Variants in EIF2AK4 observed in about 807,000 individuals in gnomAD.
The protein encoded by EIF2AK4 is eIF-2-alpha kinase GCN2.
EIF2AK4 carries 139 observed loss-of-function variants against 211.1 expected under a neutral mutation model. The observed-to-expected ratio is 0.66, with a 90% CI of 0.57 to 0.76. The LOEUF (loss-of-function observed/expected upper bound fraction) is 0.76. Among genes scored for constraint, EIF2AK4 ranks in the 30% least tolerant of loss-of-function variants. EIF2AK4 has a pLI of 0.00. For synonymous variants in EIF2AK4, 710 were observed against 751.3 expected (o/e 0.94, Z 0.90); for missense variants, 1,664 against 2,043.8 (o/e 0.81, Z 3.58).
chr15:39,996,293 G>T (rs2035017451), intron 18 of EIF2AK4, among the ~76,000 whole-genome samples: 1 of 152,204 alleles, frequency 6.6e-6, no homozygotes, highest in Non-Finnish European at 1.5e-5. Context: ...TAGCTAAGAT[G>T]TGAAACAAAG....
chr15:39,962,955 A>G (rs514152), intron 7 of EIF2AK4, among the ~76,000 whole-genome samples: 139,037 of 152,264 alleles, frequency 0.91, 63,902 homozygotes, highest in Middle Eastern at 0.97. Flanking sequence ...TTTTGCCAGA[A>G]GTAACAGGTA....
Position 40,009,629 on chromosome 15 carries a change from A to G in EIF2AK4, c.3592A>G (p.Ile1198Val), listed in dbSNP as rs181345205. ...CATATCCCAGGAAAGAAATTACAGT[A>G]TTTATTTGAACCATACCATGTTATT... ...FPALQERNYS[I>V]YLNHTMLLKA... The change falls in exon 26 of 39, where the codon ATT (isoleucine) becomes GTT (valine). Residue 1198 changes from isoleucine to valine, a missense_variant. Ile to Val is a conservative substitution (Grantham distance 29, BLOSUM62 3). Around this residue, in one of 7 missense-constraint regions of EIF2AK4, gnomAD observed 622 missense variants for 796.8 expected, o/e 0.78. Coordinates refer to ENST00000263791, the MANE Select transcript of EIF2AK4 (RefSeq NM_001013703.4). 3.1e-6 allele frequency: 5 copies of G among 1,591,230 alleles called. No homozygotes were observed. The highest frequency in any genetic ancestry group is 4.3e-6 in the Non-Finnish European group (5 of 1,170,998).
At chr15:39,934,762 C>T (rs1044965159) in intron 1 of EIF2AK4, among the ~76,000 whole-genome samples, 2 of 152,238 alleles carry the variant, frequency 1.3e-5, no homozygotes, top group African/African-American at 2.4e-5. Context: ...GCCTTACGTC[C>T]TCAATCAGAA....
intron 16 of EIF2AK4, 152 bp from the exon 17 acceptor site, chr15:39,992,023 C>A (rs1287173224): frequency 4.3e-6 from 3 of 694,628 alleles, no homozygotes; most frequent in Non-Finnish European, 6.7e-6. Flanking sequence ...AGTGGGTTAA[C>A]TAAACTAGAA....
At chr15:40,027,030 T>C (rs534076984) in intron 33 of EIF2AK4, among the ~76,000 whole-genome samples, 1 of 152,326 alleles carries the variant, frequency 6.6e-6, no homozygotes, top group South Asian at 2.1e-4. Context: ...GTTATATCTA[T>C]AAATATTAAA....
At chr15:39,965,631 C>T in intron 7 of EIF2AK4, 55 bp from the exon 8 acceptor site, 1 of 1,596,306 alleles carries the variant, frequency 6.3e-7, no homozygotes. Flanking sequence ...CCCTTCCTTC[C>T]CCCAAGAGAA....
intron 2 of EIF2AK4, 54 bp downstream of exon 2, chr15:39,939,671 C>A: frequency 1.4e-6 from 2 of 1,392,716 alleles, no homozygotes; most frequent in Non-Finnish European, 2.0e-6. Context: ...GTTTTGACAA[C>A]ATAGAAACAG....
chr15:39,984,930 G>A (rs1458952954), intron 13 of EIF2AK4, among the ~76,000 whole-genome samples: 3 of 152,250 alleles, frequency 2.0e-5, no homozygotes, highest in East Asian at 1.9e-4. Flanking sequence ...GTCTTGTGCC[G>A]ATTTTCAAAG....
rs150766908 is a variant in EIF2AK4 at position 39,954,534 on chromosome 15, G to A, written c.594+550G>A. On this transcript the variant is annotated intron_variant, in intron 5 of 38. Coordinates refer to ENST00000263791, the MANE Select transcript of EIF2AK4 (RefSeq NM_001013703.4). ...CTCCCAAAGTGTTGGGATTACAGGC[G>A]TGAGCCACTGCACCTGGCCTAGAAT... Among the ~76,000 whole-genome samples, 1,003 of 152,306 alleles carry A rather than the reference G, an allele frequency of 6.6e-3. 14 individuals are homozygous for A. The highest frequency in any genetic ancestry group is 0.022 in the African/African-American group (909 of 41,564).
At chr15:39,980,191 C>T (rs1216605892) in intron 13 of EIF2AK4, among the ~76,000 whole-genome samples, 1 of 152,160 alleles carries the variant, frequency 6.6e-6, no homozygotes, top group Non-Finnish European at 1.5e-5. Flanking sequence ...TTAAGGGTTG[C>T]AGCTACCTCA....
intron 10 of EIF2AK4, 98 bp from the exon 11 acceptor site, chr15:39,973,494 T>C: frequency 7.7e-7 from 1 of 1,294,480 alleles, no homozygotes; most frequent in East Asian, 2.3e-5. Flanking sequence ...AAACTACTGG[T>C]TGGAGCTCTT....
chr15:39,997,879 G>A (rs537689070), intron 19 of EIF2AK4, among the ~76,000 whole-genome samples: 18 of 152,212 alleles, frequency 1.2e-4, no homozygotes, highest in Admixed American at 7.2e-4. Flanking sequence ...ATTTATGAGC[G>A]AGACATCTGG....
chr15:40,032,858 T>A, intron 37 of EIF2AK4, 57 bp downstream of exon 37: 1 of 1,502,150 alleles, frequency 6.7e-7, no homozygotes, highest in Admixed American at 1.9e-5. Flanking sequence ...TCTTTGCTAT[T>A]AGTTTGCCAA....
intron 13 of EIF2AK4, among the ~76,000 whole-genome samples, chr15:39,980,519 A>G (rs1389703822): frequency 6.6e-6 from 1 of 152,212 alleles, no homozygotes; most frequent in Non-Finnish European, 1.5e-5. Context: ...TGAAATAGTT[A>G]ATGCAACTGT....
At chr15:39,946,492 G>T in intron 3 of EIF2AK4, 1 of 694,120 alleles carries the variant, frequency 1.4e-6, no homozygotes. Flanking sequence ...GATTAGGAGA[G>T]AAAGTGGTTT....
intron 27 of EIF2AK4, among the ~76,000 whole-genome samples, chr15:40,013,910 C>T (rs1313261989): frequency 6.6e-6 from 1 of 152,226 alleles, no homozygotes; most frequent in African/African-American, 2.4e-5. Flanking sequence ...TCCAAAGTCT[C>T]ATCTGAAACA....
intron 38 of EIF2AK4, 110 bp downstream of exon 38, chr15:40,034,554 GTTC>G (rs1339835223): frequency 1.1e-5 from 9 of 799,720 alleles, no homozygotes; most frequent in Non-Finnish European, 1.7e-5. Context: ...CTGGTAAGCT[GTTC>G]TTAGAATTGC....
intron 3 of EIF2AK4, among the ~76,000 whole-genome samples, chr15:39,944,679 C>T (rs996811517): frequency 4.6e-5 from 7 of 152,066 alleles, no homozygotes; most frequent in South Asian, 2.1e-4. Flanking sequence ...GTGGTCCACC[C>T]GCCTCGGCCT....
chr15:39,976,107 T>G (rs1229066889), intron 11 of EIF2AK4, among the ~76,000 whole-genome samples: 2 of 152,176 alleles, frequency 1.3e-5, no homozygotes, highest in Non-Finnish European at 2.9e-5. Flanking sequence ...ACTTAGAAAT[T>G]TAGATAGCAG....
Sources: allele counts gnomAD v4.1 joint callset (sites outside exome capture counted in the v4.1 genomes callset), GRCh38; gene constraint gnomAD v4.1.1; regional missense constraint gnomAD v4.1.1; transcripts MANE v1.5; gene names NCBI Gene and HGNC (gene_info 2026-07-23, HGNC 2026-07-21).